GNAO1: variants seen among roughly 807,000 people sequenced by gnomAD.
GNAO1 encodes guanine nucleotide-binding protein G(o) subunit alpha.
For missense variants in GNAO1, 166 were observed against 478.7 expected (o/e 0.35, Z 6.10); for synonymous variants, 164 against 180.7 (o/e 0.91, Z 0.74).
At chr16:56,353,449 T>C (rs1420641790) in intron 7 of GNAO1, 3 of 152,284 alleles carry the variant, frequency 2.0e-5, no homozygotes, top group Non-Finnish European at 2.9e-5. Flanking sequence ...GGATGACAGA[T>C]GGTCACCAGT....
chr16:56,244,118 A>G (rs1337868626), intron 2 of GNAO1, among the ~76,000 whole-genome samples: 1 of 152,230 alleles, frequency 6.6e-6, no homozygotes, highest in Non-Finnish European at 1.5e-5. Context: ...GCTATACTAC[A>G]GGCAAAGCAA....
At chr16:56,347,394 G>T (rs2037880566) in intron 6 of GNAO1, 1 of 985,526 alleles carries the variant, frequency 1.0e-6, no homozygotes, top group African/African-American at 1.7e-5. Context: ...AGGGAACAGG[G>T]CCGGCGTGTG....
chr16:56,268,603 C>A (rs533131430), intron 2 of GNAO1, among the ~76,000 whole-genome samples: 1 of 152,348 alleles, frequency 6.6e-6, no homozygotes, highest in African/African-American at 2.4e-5. Flanking sequence ...CATTTTTAAA[C>A]ATGAAACAAA....
chr16:56,217,063 A>G (rs115865467), intron 2 of GNAO1, among the ~76,000 whole-genome samples: 3,302 of 152,334 alleles, frequency 0.022, 107 homozygotes, highest in African/African-American at 0.066. Context: ...GCAGAAACAG[A>G]CAAAAACTGA....
At chr16:56,258,457 T>G (rs553872937) in intron 2 of GNAO1, among the ~76,000 whole-genome samples, 1 of 152,338 alleles carries the variant, frequency 6.6e-6, no homozygotes, top group East Asian at 1.9e-4. Context: ...GTGAAATGTT[T>G]GGAAAACCTG....
chr16:56,280,226 G>A (rs2037101723), intron 3 of GNAO1, among the ~76,000 whole-genome samples: 1 of 152,266 alleles, frequency 6.6e-6, no homozygotes. Context: ...AGGAAGAGCT[G>A]CTTAGTGGGA....
intron 3 of GNAO1, among the ~76,000 whole-genome samples, chr16:56,288,398 A>G (rs1302687434): frequency 6.6e-6 from 1 of 152,206 alleles, no homozygotes; most frequent in African/African-American, 2.4e-5. Flanking sequence ...ACCAGCCACC[A>G]GGATAGGAGG....
At chr16:56,284,462 C>A (rs1360601270) in intron 3 of GNAO1, among the ~76,000 whole-genome samples, 4 of 152,216 alleles carry the variant, frequency 2.6e-5, no homozygotes, top group Non-Finnish European at 5.9e-5. Flanking sequence ...TTTCCTTGAC[C>A]ATCATCTAAA....
At chr16:56,297,553 GT>G (rs1463911209) in intron 3 of GNAO1, among the ~76,000 whole-genome samples, 2 of 151,710 alleles carry the variant, frequency 1.3e-5, no homozygotes, top group African/African-American at 4.8e-5. Context: ...GTGTGTGTGT[GT>G]GTGTGTGTGT....
At chr16:56,286,559 T>C (rs1258059339) in intron 3 of GNAO1, among the ~76,000 whole-genome samples, 2 of 152,052 alleles carry the variant, frequency 1.3e-5, no homozygotes, top group African/African-American at 4.8e-5. Flanking sequence ...AGGAGGAAAA[T>C]GGCTCCAGCA....
chr16:56,345,340 C>A, intron 6 of GNAO1: 1 of 985,572 alleles, frequency 1.0e-6, no homozygotes, highest in Non-Finnish European at 1.2e-6. Context: ...CTCTGCCTCC[C>A]TCCTCAAGCC....
In GNAO1 at chr16:56,328,806, G is replaced by A. The variant is rs770008390; in HGVS notation, c.464+15G>A. The stretch of plus-strand genomic sequence containing the variant: ...TCTGCCAAATAGTGAGTGTCCCAGC[G>A]GGCGCATGGCCTGGAGCCGGGCAGT... On this transcript the variant is annotated intron_variant, in intron 4 of 8. Coordinates refer to ENST00000262493, the MANE Select transcript of GNAO1 (RefSeq NM_020988.3). 7.4e-6 allele frequency: 12 copies of A among 1,613,042 alleles called. No individual in the cohort carries two copies. Among genetic ancestry groups the A allele is most frequent in the East Asian group, 4.5e-5 (2 of 44,870 alleles).
rs541398955 is a variant in GNAO1, at chr16:56,321,786, T to A, written c.304-6845T>A. 1.1e-4 allele frequency among the ~76,000 whole-genome samples: 17 copies of A among 152,290 alleles called. No individual in the cohort carries two copies. The South Asian group carries it at 3.5e-3, about 32-fold the overall frequency. On this transcript the variant is annotated intron_variant, in intron 3 of 8. Coordinates refer to ENST00000262493, the MANE Select transcript of GNAO1 (RefSeq NM_020988.3). Reference sequence around the variant, plus strand: ...TGCCACCTGGTAGCGGTCACTGCTGTCTCTCCTGCAGAACTGCCTGGGCGG... The same window carrying A: ...TGCCACCTGGTAGCGGTCACTGCTGACTCTCCTGCAGAACTGCCTGGGCGG...
intron 3 of GNAO1, among the ~76,000 whole-genome samples, chr16:56,319,645 C>T (rs1414909901): frequency 2.0e-5 from 3 of 152,134 alleles, no homozygotes; most frequent in Admixed American, 6.5e-5. Context: ...CACATGTCCT[C>T]GTGGCAGGAC....
Position 56,301,915 on chromosome 16 carries a change from T to C in GNAO1, c.303+25843T>C, listed in dbSNP as rs551960901. 3 of 152,336 alleles carry C rather than the reference T, an allele frequency of 2.0e-5. No homozygotes were observed. In the East Asian group the frequency reaches 5.8e-4, roughly 29 times the overall value. The allele number at this position is 152,336 out of a possible 1,614,324, so 9.4% of individuals were successfully genotyped here. A position where few individuals can be genotyped will look rare whatever the true frequency, so the allele number is the denominator to read the frequency against. ...TTTACAGACGAAGATACTGAGACCCTAATAGGCCTGCTCCCAAATGACTGC... is the reference window on the plus strand; with the variant it reads ...TTTACAGACGAAGATACTGAGACCCCAATAGGCCTGCTCCCAAATGACTGC... On this transcript the variant is annotated intron_variant, in intron 3 of 8. Transcript: ENST00000262493.
chr16:56,344,425 A>C, intron 6 of GNAO1: 1 of 1,003,584 alleles, frequency 1.0e-6, no homozygotes, highest in Non-Finnish European at 1.2e-6. Context: ...CCGTCAACAA[A>C]AGCCAGGGTG....
chr16:56,309,730 C>T (rs11643455), intron 3 of GNAO1, among the ~76,000 whole-genome samples: 29,905 of 152,168 alleles, frequency 0.2, 3,148 homozygotes, highest in East Asian at 0.42. Flanking sequence ...GGGCCAGACC[C>T]GGACCCACTG....
At chr16:56,273,054 A>G (rs997250384) in intron 2 of GNAO1, among the ~76,000 whole-genome samples, 18 of 152,222 alleles carry the variant, frequency 1.2e-4, no homozygotes, top group African/African-American at 3.4e-4. Context: ...TACAATGTGT[A>G]TCTTGACTTA....
chr16:56,259,008 G>T (rs548281425), intron 2 of GNAO1, among the ~76,000 whole-genome samples: 1 of 152,226 alleles, frequency 6.6e-6, no homozygotes, highest in Non-Finnish European at 1.5e-5. Flanking sequence ...ACACATACGC[G>T]TGGCTTTAGA....
Sources: gnomAD v4.1 joint callset for allele counts (sites outside exome capture counted in the v4.1 genomes callset) on GRCh38, gnomAD v4.1.1 for gene constraint, MANE v1.5 for transcripts, NCBI Gene and HGNC (gene_info 2026-07-23, HGNC 2026-07-21) for gene names.